CSMD2: variants seen among roughly 807,000 people sequenced by gnomAD.
CSMD2 encodes the protein CUB and sushi domain-containing protein 2.
Under a neutral mutation model 398.5 loss-of-function variants are expected in CSMD2, and 130 were observed. That is an observed-to-expected ratio of 0.33 (90% CI 0.28 to 0.38). The LOEUF is 0.38. Ranked by LOEUF, CSMD2 falls within the 10% of genes least tolerant of loss-of-function variation. CSMD2 has a pLI of 1.00. For synonymous variants in CSMD2, 1,828 were observed against 1,908.5 expected (o/e 0.96, Z 1.10); for missense variants, 3,829 against 4,764.9 (o/e 0.80, Z 5.78).
rs759174462 is a variant in CSMD2 at position 33,557,764 on chromosome 1, T to C, written c.8713A>G (p.Thr2905Ala). 1.3e-6 allele frequency: 2 copies of C among 1,535,962 alleles called. No homozygotes were observed. Among genetic ancestry groups the C allele is most frequent in the South Asian group, 1.2e-5 (1 of 84,066 alleles). ...TPVLSCQGDG[T>A]WDRPRPQCLL... ...CACTGGGGGCGGGGACGGTCCCATG[T>C]GCCATCTCCCTGGCAGCTGAGCACT... The change falls in exon 55 of 71, where the codon ACA becomes GCA. Residue 2905 changes from threonine (T) to alanine (A), a missense_variant. Around this residue, in one of 5 missense-constraint regions of CSMD2, gnomAD observed 917 missense variants for 1,199.5 expected, o/e 0.76. Coordinates refer to ENST00000373381, the MANE Select transcript of CSMD2 (RefSeq NM_001281956.2).
Position 33,546,103 on chromosome 1 carries a change from G to A in CSMD2, c.9034C>T (p.Arg3012Trp), listed in dbSNP as rs766777818. 23 of 1,614,000 alleles carry A rather than the reference G, an allele frequency of 1.4e-5. No homozygotes were observed. Among genetic ancestry groups the A allele is most frequent in the South Asian group, 5.5e-5 (5 of 91,090 alleles). The part of the protein sequence containing the change: ...RFSCEAGHVL[R>W]GSSERTCQAN... ...TGACAGGTGCGCTCTGACGATCCCC[G>A]GAGCACGTGGCCAGCTTCACAGCTG... Residue 3012 changes from arginine to tryptophan, a missense_variant, in exon 57 of 71, where the codon CGG becomes TGG. Physicochemically the swap from Arg to Trp is moderately radical, Grantham distance 101. Coordinates refer to ENST00000373381, the MANE Select transcript of CSMD2 (RefSeq NM_001281956.2).
chr1:33,541,244 T>C lies in CSMD2; in HGVS notation c.9343A>G (p.Asn3115Asp). Reference protein sequence around the residue: ...GLRLGNDFRYNKTVTYQCVPG... With the variant: ...GLRLGNDFRYDKTVTYQCVPG... Reference sequence around the variant, plus strand: ...ACACACTGATATGTCACAGTTTTGTTGTACCTGAAGTCATTGCCCAGCCGA... The same window carrying C: ...ACACACTGATATGTCACAGTTTTGTCGTACCTGAAGTCATTGCCCAGCCGA... The change falls in exon 59 of 71, where the codon AAC becomes GAC. Residue 3115 changes from asparagine (N) to aspartate (D), a missense_variant. Coordinates refer to ENST00000373381, the MANE Select transcript of CSMD2 (RefSeq NM_001281956.2). The C allele has an allele frequency of 6.2e-7, 1 of 1,614,138 alleles. No homozygotes were observed. The highest frequency in any genetic ancestry group is 1.1e-5 in the South Asian group (1 of 91,076).
At chr1:33,923,528 G>A (rs536474946) in intron 4 of CSMD2, among the ~76,000 whole-genome samples, 52 of 152,170 alleles carry the variant, frequency 3.4e-4, no homozygotes, top group African/African-American at 1.2e-3. Flanking sequence ...CTAGTCTCAG[G>A]CATTTCTCTA....
intron 3 of CSMD2, among the ~76,000 whole-genome samples, chr1:34,007,762 G>A (rs962198690): frequency 4.6e-5 from 7 of 152,208 alleles, no homozygotes; most frequent in South Asian, 2.1e-4. Flanking sequence ...TATATATTTC[G>A]AATTTTATGC....
intron 3 of CSMD2, among the ~76,000 whole-genome samples, chr1:34,014,228 C>A (rs905120132): frequency 6.6e-6 from 1 of 152,208 alleles, no homozygotes; most frequent in African/African-American, 2.4e-5. Flanking sequence ...TCTCCCTGTT[C>A]CCACTCTGCA....
chr1:33,543,140 G>A (rs142966950), intron 57 of CSMD2, among the ~76,000 whole-genome samples: 67 of 152,192 alleles, frequency 4.4e-4, no homozygotes, highest in African/African-American at 1.5e-3. Flanking sequence ...TTCTATTATC[G>A]TCCTTAAAAT....
intron 44 of CSMD2, among the ~76,000 whole-genome samples, chr1:33,590,981 CTTTTTTTTTTTTTT>C (rs11374822): frequency 4.9e-4 from 33 of 67,174 alleles, no homozygotes; most frequent in Admixed American, 2.1e-4. Flanking sequence ...TTTTATTTAT[CTTTTTTTTTTTTTT>C]TTTTTTTTTT....
At chr1:33,588,812 G>A (rs1193894201) in intron 44 of CSMD2, among the ~76,000 whole-genome samples, 2 of 152,134 alleles carry the variant, frequency 1.3e-5, no homozygotes, top group African/African-American at 4.8e-5. Flanking sequence ...CAGTGGGAAT[G>A]CATTCAGGAC....
intron 2 of CSMD2, among the ~76,000 whole-genome samples, chr1:34,054,521 AC>A (rs1159089163): frequency 6.6e-6 from 1 of 152,126 alleles, no homozygotes; most frequent in Non-Finnish European, 1.5e-5. Context: ...GGAGATCGAG[AC>A]CATCCTGGCT....
intron 13 of CSMD2, among the ~76,000 whole-genome samples, chr1:33,745,326 A>G (rs1569673185): frequency 6.6e-6 from 1 of 152,350 alleles, no homozygotes; most frequent in East Asian, 1.9e-4. Context: ...GATTGCAAAA[A>G]TGCTGTAGGT....
rs189802852 is a variant in CSMD2 at position 34,033,098 on chromosome 1, A to G, written c.405-392T>C. Among the ~76,000 whole-genome samples, 578 of 152,396 alleles carry G rather than the reference A, an allele frequency of 3.8e-3. 2 individuals carry two copies. The highest frequency in any genetic ancestry group is 6.2e-3 in the Non-Finnish European group (424 of 68,046). On this transcript the variant is annotated intron_variant, in intron 2 of 70. Transcript: ENST00000373381. ...TTTATTCACATAGTAAGGGAAATAG[A>G]GCCAACTCTAAGTAGAAGAATGAGC...
At chr1:33,585,144 AGTT>A (rs1203952490) in intron 46 of CSMD2, among the ~76,000 whole-genome samples, 1 of 152,218 alleles carries the variant, frequency 6.6e-6, no homozygotes, top group Non-Finnish European at 1.5e-5. Context: ...CATTGACAAT[AGTT>A]GTAAGTATTC....
chr1:33,939,791 C>T (rs1644605685), intron 3 of CSMD2, among the ~76,000 whole-genome samples: 1 of 152,146 alleles, frequency 6.6e-6, no homozygotes, highest in South Asian at 2.1e-4. Flanking sequence ...CCAAGCTCCA[C>T]TCCTGAGAGG....
intron 3 of CSMD2, among the ~76,000 whole-genome samples, chr1:34,031,309 C>T (rs939823429): frequency 1.9e-4 from 29 of 152,080 alleles, no homozygotes; most frequent in African/African-American, 5.8e-4. Context: ...GTGATTCACT[C>T]GCCTCGTCCT....
intron 43 of CSMD2, among the ~76,000 whole-genome samples, chr1:33,601,686 A>G (rs952256304): frequency 3.9e-5 from 6 of 152,342 alleles, no homozygotes; most frequent in Non-Finnish European, 7.3e-5. Flanking sequence ...TGTCCAGGAA[A>G]CTGCACATAT....
rs1647146262 is a variant in CSMD2 at position 33,743,309 on chromosome 1, C to G, written c.2144G>C (p.Gly715Ala). ...AAAAGTGATGTTGAAGCCCCTCTTC[C>G]CTGTGGAGTGGTCAGTCTGGAACTC... ...RLEFQTDHST[G>A]KRGFNITFTT... Residue 715 changes from glycine to alanine, a missense_variant, in exon 14 of 71, where the codon GGG becomes GCG. By Grantham distance (60) the Gly-to-Ala change is moderately conservative. This residue lies in a region of CSMD2 where 2,001 missense variants were observed against 2,567.1 expected (regional missense o/e 0.78). Coordinates refer to ENST00000373381, the MANE Select transcript of CSMD2 (RefSeq NM_001281956.2). 1 of 1,612,572 alleles carries G rather than the reference C, an allele frequency of 6.2e-7. No individual in the cohort carries two copies. The highest frequency in any genetic ancestry group is 8.5e-7 in the Non-Finnish European group (1 of 1,179,176).
At chr1:33,949,999 T>C (rs1181147058) in intron 3 of CSMD2, among the ~76,000 whole-genome samples, 4 of 152,126 alleles carry the variant, frequency 2.6e-5, no homozygotes, top group African/African-American at 9.7e-5. Context: ...TGGCCCATCA[T>C]CCAGCCAGCC....
chr1:33,903,600 T>C (rs1198047492), intron 5 of CSMD2, among the ~76,000 whole-genome samples: 1 of 152,050 alleles, frequency 6.6e-6, no homozygotes, highest in African/African-American at 2.4e-5. Flanking sequence ...AGATCTCTCC[T>C]CCAAACAAAC....
At chr1:33,895,634 G>A (rs1333019159) in intron 5 of CSMD2, among the ~76,000 whole-genome samples, 1 of 152,164 alleles carries the variant, frequency 6.6e-6, no homozygotes, top group Non-Finnish European at 1.5e-5. Context: ...TGGAGAGGCA[G>A]GGGGACTTGG....
Sources: gnomAD v4.1 joint callset for allele counts (sites outside exome capture counted in the v4.1 genomes callset) on GRCh38, gnomAD v4.1.1 for gene constraint, gnomAD v4.1.1 regional missense constraint, MANE v1.5 for transcripts, NCBI Gene and HGNC (gene_info 2026-07-23, HGNC 2026-07-21) for gene names.